CSF3R: variants seen among roughly 807,000 people sequenced by gnomAD.
The protein encoded by CSF3R is granulocyte colony-stimulating factor receptor.
A neutral mutation model predicts 84.4 loss-of-function variants in CSF3R; 52 were observed. The observed-to-expected ratio is 0.62, with a 90% CI of 0.49 to 0.78. The LOEUF is 0.78. Among genes scored for constraint, CSF3R ranks in the 30% least tolerant of loss-of-function variants. The probability of loss-of-function intolerance (pLI) is 0.00; values close to 1 mark genes in which losing one functional copy is unlikely to be tolerated. For missense variants in CSF3R, 890 were observed against 1,055.7 expected (o/e 0.84, Z 2.17); for synonymous variants, 384 against 429.1 (o/e 0.89, Z 1.30).
At position 36,466,835 on chromosome 1, in the gene CSF3R, C is replaced by A; in HGVS notation, c.2041-8G>T. The A allele has an allele frequency of 6.2e-7, 1 of 1,614,148 alleles. No individual in the cohort carries two copies. Among genetic ancestry groups the A allele is most frequent in the Non-Finnish European group, 8.5e-7 (1 of 1,179,996 alleles). On this transcript the variant is annotated splice_region_variant and splice_polypyrimidine_tract_variant and intron_variant, in intron 16 of 16. Transcript: ENST00000373106. The surrounding 1 kb of genome is among the most constrained non-coding windows in gnomAD (Gnocchi z 4.6). ...GGGCAGCTGGAAGGCATCCTGCACACAAGGATGTGGGGTGAGAGCACGGCT... is the reference window on the plus strand; with the variant it reads ...GGGCAGCTGGAAGGCATCCTGCACAAAAGGATGTGGGGTGAGAGCACGGCT...
intron 4 of CSF3R, 69 bp from the exon 5 acceptor site, chr1:36,473,956 C>A (rs1650954813): frequency 1.6e-5 from 25 of 1,609,880 alleles, no homozygotes; most frequent in Non-Finnish European, 2.1e-5. Context: ...CTGGGACCAG[C>A]TGGCCCTGTT....
At position 36,475,659 on chromosome 1, in the gene CSF3R, C is replaced by A; in HGVS notation, c.79G>T (p.Gly27Trp). 1 of 1,607,068 alleles carries A rather than the reference C, an allele frequency of 6.2e-7. No individual in the cohort carries two copies. Among genetic ancestry groups the A allele is most frequent in the Non-Finnish European group, 8.5e-7 (1 of 1,175,318 alleles). ...ATGGGGGCTGAGACACTGATGTGCC[C>A]GCACTCCTCCAGACCTGGGGTGGAA... Reference protein sequence around the residue: ...LLLPGSLEECGHISVSAPIVH... With the variant: ...LLLPGSLEECWHISVSAPIVH... The change falls in exon 4 of 17, where the codon GGG becomes TGG. Residue 27 changes from glycine to tryptophan, a missense_variant. Coordinates refer to ENST00000373106, the MANE Select transcript of CSF3R (RefSeq NM_000760.4).
In CSF3R at chr1:36,475,621, C is replaced by T. The variant is rs757252323; in HGVS notation, c.117G>A (p.Gly39=). 6.2e-7 allele frequency: 1 copy of T among 1,607,168 alleles called. No individual in the cohort carries two copies. Among genetic ancestry groups the T allele is most frequent in the Non-Finnish European group, 8.5e-7 (1 of 1,174,378 alleles). ...ISVSAPIVHL[G]DPITASCIIK... is the part of the protein sequence containing the mutation. Reference sequence around the variant, plus strand: ...TGATGCAGGAGGCTGTGATGGGATCCCCCAGGTGGACGATGGGGGCTGAGA... The same window carrying T: ...TGATGCAGGAGGCTGTGATGGGATCTCCCAGGTGGACGATGGGGGCTGAGA... Residue 39 remains glycine, a synonymous_variant, in exon 4 of 17, where the codon GGG becomes GGA. Transcript: ENST00000373106.
Position 36,467,319 on chromosome 1 carries a change from AG to A in CSF3R, c.1959-9del, listed in dbSNP as rs35164167. On this transcript the variant is annotated splice_polypyrimidine_tract_variant and intron_variant, in intron 15 of 16. Transcript: ENST00000373106. This position sits in a 1 kb window ranked among gnomAD's most constrained non-coding sequence, Gnocchi z 4.1. ...CAGAGGGGATTCTTCCTGCTGGAGA[AG>A]GGGGCAGGTGGAGGCTGAGTCAGAC... The A allele has an allele frequency of 6.2e-7, 1 of 1,614,092 alleles. No individual in the cohort carries two copies.
In CSF3R at chr1:36,466,782, G is replaced by A. The variant is rs1454505554; in HGVS notation, c.2086C>T (p.Leu696Phe). ...PGLGTPPITKLTVLEEDEKKP... is the reference protein window; with the variant it reads ...PGLGTPPITKFTVLEEDEKKP... ...TTTTCATCCTCCTCCAGCACTGTGA[G>A]CTTGGTGATGGGTGGCGTGCCAAGG... is the stretch of plus-strand genomic sequence containing the variant. The change falls in exon 17 of 17, where the codon CTC becomes TTC. Residue 696 changes from leucine (L) to phenylalanine (F), a missense_variant. Transcript: ENST00000373106. The surrounding 1 kb of genome is among the most constrained non-coding windows in gnomAD (Gnocchi z 4.6). The A allele has an allele frequency of 3.7e-6, 6 of 1,614,212 alleles. No homozygotes were observed. In the Admixed American group the frequency reaches 6.7e-5, roughly 18 times the overall value.
chr1:36,472,263 G>T lies in CSF3R; in HGVS notation c.972C>A (p.Ser324Arg), dbSNP rs746413192. Residue 324 changes from serine (S) to arginine (R), a missense_variant, in exon 8 of 17, where the codon AGC becomes AGA. Ser to Arg is a moderately radical substitution (Grantham distance 110). Transcript: ENST00000373106. The surrounding 1 kb of genome is among the most constrained non-coding windows in gnomAD (Gnocchi z 5.0). ...LPGHWSDWSP[S>R]LELRTTERAP... ...CCCGTTCGGTAGTTCTCAGCTCCAG[G>T]CTGGGGCTCCAGTCGCTCCAGTGGC... 2 of 1,614,242 alleles carry T rather than the reference G, an allele frequency of 1.2e-6. No individual in the cohort carries two copies. Among genetic ancestry groups the T allele is most frequent in the Non-Finnish European group, 1.7e-6 (2 of 1,180,046 alleles).
intron 1 of CSF3R, 61 bp downstream of exon 1, chr1:36,482,750 C>G (rs1369575716): frequency 6.6e-6 from 1 of 152,304 alleles, no homozygotes; most frequent in Non-Finnish European, 1.5e-5. Context: ...GGAGTGGCCC[C>G]AGGATTCCAG....
intron 4 of CSF3R, 114 bp from the exon 5 acceptor site, chr1:36,474,001 T>C: frequency 6.7e-7 from 1 of 1,493,404 alleles, no homozygotes; most frequent in Non-Finnish European, 9.3e-7. Context: ...GTTGTCACCT[T>C]GTCTGTCCCC....
rs1011942723 is a variant in CSF3R, at chr1:36,481,519, C to T, written c.-62G>A. On this transcript the variant is annotated 5_prime_UTR_variant, in exon 2 of 17. Coordinates refer to ENST00000373106, the MANE Select transcript of CSF3R (RefSeq NM_000760.4). Reference sequence around the variant, plus strand: ...GACAAGTTACTTCACCTTTCCGAGCCGAGCCTCAGTTTCCCCATCTGTGGG... The same window carrying T: ...GACAAGTTACTTCACCTTTCCGAGCTGAGCCTCAGTTTCCCCATCTGTGGG... 24 of 152,220 alleles carry T rather than the reference C, an allele frequency of 1.6e-4. No homozygotes were observed. The highest frequency in any genetic ancestry group is 3.4e-4 in the Non-Finnish European group (23 of 68,036). The allele number at this position is 152,220 out of a possible 1,614,324, so 9.4% of individuals were successfully genotyped here.
intron 4 of CSF3R, 25 bp from the exon 5 acceptor site, chr1:36,473,912 A>AG: frequency 6.2e-7 from 1 of 1,613,448 alleles, no homozygotes; most frequent in Non-Finnish European, 8.5e-7. Flanking sequence ...GAAGAGTGTG[A>AG]GGGCTTTGGG....
At chr1:36,482,596 TG>T (rs1651599238) in intron 1 of CSF3R, among the ~76,000 whole-genome samples, 1 of 152,130 alleles carries the variant, frequency 6.6e-6, no homozygotes, top group South Asian at 2.1e-4. Context: ...GATACTTGGC[TG>T]TGAGTGACTT....
At chr1:36,480,240 A>T (rs1213778961) in intron 2 of CSF3R, among the ~76,000 whole-genome samples, 2 of 152,178 alleles carry the variant, frequency 1.3e-5, no homozygotes, top group African/African-American at 4.8e-5. Context: ...GTTGTCAGGG[A>T]CACTCCCTGG....
At position 36,468,234 on chromosome 1, in the gene CSF3R, A is replaced by G. The variant is rs1402795179; in HGVS notation, c.1577-13T>C. 2 of 1,567,584 alleles carry G rather than the reference A, an allele frequency of 1.3e-6. No homozygotes were observed. The highest frequency in any genetic ancestry group is 2.7e-5 in the African/African-American group (2 of 73,774). ...GCATGGGAGGGAGCTATGGGAAGAG[A>G]GAGGTGCGGGGGCTGAAGGGAGTGG... On this transcript the variant is annotated splice_polypyrimidine_tract_variant and intron_variant, in intron 12 of 16. Coordinates refer to ENST00000373106, the MANE Select transcript of CSF3R (RefSeq NM_000760.4).
chr1:36,475,791 T>A, intron 3 of CSF3R, 118 bp from the exon 4 acceptor site: 1 of 1,029,766 alleles, frequency 9.7e-7, no homozygotes, highest in Non-Finnish European at 1.4e-6. Context: ...CCCTTCAAGA[T>A]ATGGGGGCTG....
chr1:36,472,222 C>T lies in CSF3R; in HGVS notation c.997+16G>A. ...GGATACTGTTGGCTGCTCCCAGCCT[C>T]TCATCACCTCCTTACCCCGTTCGGT... On this transcript the variant is annotated intron_variant, in intron 8 of 16. Coordinates refer to ENST00000373106, the MANE Select transcript of CSF3R (RefSeq NM_000760.4). This position sits in a 1 kb window ranked among gnomAD's most constrained non-coding sequence, Gnocchi z 5.0. The T allele has an allele frequency of 6.2e-7, 1 of 1,614,192 alleles. No individual in the cohort carries two copies. Among genetic ancestry groups the T allele is most frequent in the Non-Finnish European group, 8.5e-7 (1 of 1,180,030 alleles).
At chr1:36,469,530 G>T in intron 11 of CSF3R, 122 bp downstream of exon 11, 1 of 1,209,212 alleles carries the variant, frequency 8.3e-7, no homozygotes, top group Non-Finnish European at 1.2e-6. Flanking sequence ...GAACAACGAA[G>T]GATCAAGAAA....
intron 3 of CSF3R, 49 bp from the exon 4 acceptor site, chr1:36,475,722 C>G (rs374816077): frequency 5.4e-5 from 85 of 1,567,640 alleles, no homozygotes; most frequent in Non-Finnish European, 6.9e-5. Context: ...CCTAGCAGAG[C>G]TGGGCTATAA....
chr1:36,479,508 GA>G lies in CSF3R; in HGVS notation c.-13del, dbSNP rs1285969330. On this transcript the variant is annotated 5_prime_UTR_variant, in exon 3 of 17. Coordinates refer to ENST00000373106, the MANE Select transcript of CSF3R (RefSeq NM_000760.4). Reference sequence around the variant, plus strand: ...CCCAGCCTTGCCATAGCACCAACTTGATGTTCACCTGTAGGCAGAAGGGTTG... The same window carrying G: ...CCCAGCCTTGCCATAGCACCAACTTGTGTTCACCTGTAGGCAGAAGGGTTG... 2 of 1,613,662 alleles carry G rather than the reference GA, an allele frequency of 1.2e-6. No individual in the cohort carries two copies. Among genetic ancestry groups the G allele is most frequent in the Non-Finnish European group, 1.7e-6 (2 of 1,179,646 alleles).
At chr1:36,473,913 G>C in intron 4 of CSF3R, 26 bp from the exon 5 acceptor site, 1 of 1,613,558 alleles carries the variant, frequency 6.2e-7, no homozygotes, top group Non-Finnish European at 8.5e-7. Flanking sequence ...AAGAGTGTGA[G>C]GGCTTTGGGT....
Sources: gnomAD v4.1 joint callset for allele counts (sites outside exome capture counted in the v4.1 genomes callset) on GRCh38, gnomAD v4.1.1 for gene constraint, Gnocchi (gnomAD v3.1) non-coding constraint, MANE v1.5 for transcripts, NCBI Gene and HGNC (gene_info 2026-07-23, HGNC 2026-07-21) for gene names.